CALCR: variants seen among roughly 807,000 people sequenced by gnomAD.
CALCR encodes the protein calcitonin receptor.
In CALCR, 47 loss-of-function variants were observed where a neutral mutation model predicts 59.5. The observed-to-expected ratio is 0.79, with a 90% CI of 0.63 to 1.01. The LOEUF (loss-of-function observed/expected upper bound fraction) is 1.01, where lower values mean the gene tolerates loss of function less well. Ranked by LOEUF, CALCR falls within the 50% of genes least tolerant of loss-of-function variation. The pLI is 0.00. For synonymous variants in CALCR, 213 were observed against 211.3 expected, an observed-to-expected ratio of 1.01 and a Z score of -0.07; for missense variants, 566 against 597.1, an observed-to-expected ratio of 0.95 and a Z score of 0.54.
chr7:93,437,051 T>C (rs1216742139), intron 11 of CALCR, among the ~76,000 whole-genome samples: 1 of 151,908 alleles, frequency 6.6e-6, no homozygotes, highest in Non-Finnish European at 1.5e-5. Flanking sequence ...TGAAATGCAC[T>C]AATGTGCATT....
At chr7:93,489,419 C>A (rs1801023416) in intron 2 of CALCR, among the ~76,000 whole-genome samples, 1 of 151,550 alleles carries the variant, frequency 6.6e-6, no homozygotes, top group African/African-American at 2.4e-5. Context: ...AAGAGCAGAG[C>A]AGAACTGAAG....
rs186829702 is a variant in CALCR, at chr7:93,457,129, G to A, written c.648+3692C>T. Among the ~76,000 whole-genome samples, 4 of 152,270 alleles carry A rather than the reference G, an allele frequency of 2.6e-5. No individual in the cohort carries two copies. In the East Asian group the frequency reaches 7.7e-4, roughly 29 times the overall value. On this transcript the variant is annotated intron_variant, in intron 8 of 13. Transcript: ENST00000426151. ...GGAAACATCTAGCAATGACAATAAT[G>A]AGACTGCCAAGAGCAATTAATAGAG...
chr7:93,540,923 A>G (rs1789118850), intron 2 of CALCR, among the ~76,000 whole-genome samples: 1 of 151,874 alleles, frequency 6.6e-6, no homozygotes, highest in Non-Finnish European at 1.5e-5. Context: ...ATCAGGATTC[A>G]GTAGAAAATA....
At chr7:93,531,706 C>T (rs998604140) in intron 2 of CALCR, among the ~76,000 whole-genome samples, 4 of 151,980 alleles carry the variant, frequency 2.6e-5, no homozygotes, top group African/African-American at 7.2e-5. Context: ...TCCATGTCAA[C>T]AATGCCAACT....
chr7:93,486,842 T>A (rs1351296629), intron 3 of CALCR, 89 bp downstream of exon 3: 6 of 844,190 alleles, frequency 7.1e-6, no homozygotes, highest in Non-Finnish European at 9.8e-6. Flanking sequence ...TGCCTACCCT[T>A]GCAAATACTA....
At chr7:93,517,540 T>A (rs574839636) in intron 2 of CALCR, among the ~76,000 whole-genome samples, 2 of 151,888 alleles carry the variant, frequency 1.3e-5, no homozygotes, top group African/African-American at 4.8e-5. Flanking sequence ...CACTGCTATC[T>A]TTTTAGAATT....
intron 7 of CALCR, among the ~76,000 whole-genome samples, chr7:93,463,423 TA>T (rs960841431): frequency 2.6e-5 from 4 of 151,984 alleles, no homozygotes; most frequent in African/African-American, 9.7e-5. Context: ...TTGAAAGTTT[TA>T]ATATAATTTT....
chr7:93,441,069 A>C (rs573217383), intron 9 of CALCR, among the ~76,000 whole-genome samples: 1 of 152,184 alleles, frequency 6.6e-6, no homozygotes, highest in East Asian at 1.9e-4. Flanking sequence ...GCTGTCTATG[A>C]TGATGCCAAA....
intron 4 of CALCR, among the ~76,000 whole-genome samples, chr7:93,478,852 A>C (rs957905533): frequency 2.0e-5 from 3 of 151,810 alleles, no homozygotes; most frequent in Non-Finnish European, 4.4e-5. Flanking sequence ...AAGCTGGTAG[A>C]TAAACAATGT....
At chr7:93,526,796 A>C (rs1801886372) in intron 2 of CALCR, among the ~76,000 whole-genome samples, 1 of 152,102 alleles carries the variant, frequency 6.6e-6, no homozygotes, top group Non-Finnish European at 1.5e-5. Flanking sequence ...CTTATTCAAC[A>C]ACATAGTTAC....
In CALCR at chr7:93,571,378, T is replaced by A. The variant is rs116627800; in HGVS notation, c.-27+2911A>T. Among the ~76,000 whole-genome samples, 331 of 152,226 alleles carry A rather than the reference T, an allele frequency of 2.2e-3. 5 individuals carry two copies. The highest frequency in any genetic ancestry group is 7.9e-3 in the African/African-American group (327 of 41,550). On this transcript the variant is annotated intron_variant, in intron 2 of 13. Transcript: ENST00000426151. The stretch of plus-strand genomic sequence containing the variant: ...AATGCTTGGCATATAACAATAAAAA[T>A]TTTTTTGAATGAATGACATTTAAAA...
intron 2 of CALCR, among the ~76,000 whole-genome samples, chr7:93,500,229 T>G (rs1801293679): frequency 6.6e-6 from 1 of 151,948 alleles, no homozygotes; most frequent in Non-Finnish European, 1.5e-5. Flanking sequence ...TATTCTGCAG[T>G]GAAGTTCTAA....
intron 8 of CALCR, among the ~76,000 whole-genome samples, chr7:93,460,300 A>C (rs559976243): frequency 6.6e-6 from 1 of 152,098 alleles, no homozygotes; most frequent in South Asian, 2.1e-4. Context: ...TCACACCTGT[A>C]ATCCCAGCAT....
intron 5 of CALCR, among the ~76,000 whole-genome samples, chr7:93,477,005 A>G (rs1336440945): frequency 6.6e-6 from 1 of 151,924 alleles, no homozygotes; most frequent in Non-Finnish European, 1.5e-5. Flanking sequence ...TCAGGGACAG[A>G]TTAGATCTTT....
chr7:93,452,040 G>A (rs150945633), intron 8 of CALCR, among the ~76,000 whole-genome samples: 4 of 152,018 alleles, frequency 2.6e-5, no homozygotes, highest in Non-Finnish European at 5.9e-5. Context: ...GAGAGAGGAA[G>A]GTATGTGTTG....
Position 93,451,084 on chromosome 7 carries a change from T to C in CALCR, c.649-7327A>G, listed in dbSNP as rs925135314. On this transcript the variant is annotated intron_variant, in intron 8 of 13. Coordinates refer to ENST00000426151, the MANE Select transcript of CALCR (RefSeq NM_001742.4). ...GATTTGTAGTTTATGTTAATGCCTT[T>C]CTGGTCTTGAGATAATCCTCAAATA... 5.9e-5 allele frequency among the ~76,000 whole-genome samples: 9 copies of C among 152,044 alleles called. No homozygotes were observed. The South Asian group carries it at 6.2e-4, about 11-fold the overall frequency.
intron 8 of CALCR, among the ~76,000 whole-genome samples, chr7:93,456,550 G>C (rs1800212021): frequency 6.6e-6 from 1 of 152,210 alleles, no homozygotes; most frequent in Non-Finnish European, 1.5e-5. Context: ...GGATCATGAA[G>C]GGGATGTCAC....
intron 2 of CALCR, among the ~76,000 whole-genome samples, chr7:93,523,692 A>G: frequency 6.6e-6 from 1 of 152,210 alleles, no homozygotes; most frequent in Non-Finnish European, 1.5e-5. Context: ...AAATAAGCCA[A>G]ACATCACCTT....
intron 9 of CALCR, among the ~76,000 whole-genome samples, chr7:93,441,901 G>T (rs1048412506): frequency 1.3e-5 from 2 of 152,142 alleles, no homozygotes; most frequent in African/African-American, 4.8e-5. Flanking sequence ...ACCAGGGTAG[G>T]CTACCTGCCT....
Sources: allele counts gnomAD v4.1 joint callset (sites outside exome capture counted in the v4.1 genomes callset), GRCh38; gene constraint gnomAD v4.1.1; transcripts MANE v1.5; gene names NCBI Gene and HGNC (gene_info 2026-07-23, HGNC 2026-07-21).